KIF1A: variants seen among roughly 807,000 people sequenced by gnomAD.
KIF1A encodes the protein kinesin-like protein KIF1A.
KIF1A carries 46 observed loss-of-function variants against 227.3 expected under a neutral mutation model. That is an observed-to-expected ratio of 0.20 (90% CI 0.16 to 0.26). KIF1A has a LOEUF of 0.26. Ranked by LOEUF, KIF1A falls within the 10% of genes least tolerant of loss-of-function variation. The probability of loss-of-function intolerance (pLI) is 1.00; values close to 1 mark genes in which losing one functional copy is unlikely to be tolerated. For synonymous variants in KIF1A, 1,022 were observed against 1,012.8 expected (o/e 1.01, Z -0.17); for missense variants, 1,683 against 2,485.9 (o/e 0.68, Z 6.87).
chr2:240,769,618 G>A lies in KIF1A; in HGVS notation c.1421+9C>T, dbSNP rs372601809. Reference sequence around the variant, plus strand: ...CCTCCCCCTGGGCCTCAGTTTCCCCGCTGCACACCTCTCCATCCGGATGGC... The same window carrying A: ...CCTCCCCCTGGGCCTCAGTTTCCCCACTGCACACCTCTCCATCCGGATGGC... On this transcript the variant is annotated intron_variant, in intron 16 of 48. Transcript: ENST00000498729. The A allele has an allele frequency of 2.1e-4, 338 of 1,610,984 alleles. 10 individuals carry two copies. The South Asian group carries it at 3.2e-3, about 15-fold the overall frequency.
intron 32 of KIF1A, among the ~76,000 whole-genome samples, chr2:240,744,913 C>A (rs578004036): frequency 3.3e-5 from 5 of 152,332 alleles, no homozygotes; most frequent in Admixed American, 3.3e-4. Flanking sequence ...CTTTCCCCTG[C>A]TGCCCCAGGA....
At position 240,775,243 on chromosome 2, in the gene KIF1A, G is replaced by A. The variant is rs1037805697; in HGVS notation, c.958+608C>T. Among the ~76,000 whole-genome samples, 2 of 152,212 alleles carry A rather than the reference G, an allele frequency of 1.3e-5. No homozygotes were observed. Among genetic ancestry groups the A allele is most frequent in the Non-Finnish European group, 2.9e-5 (2 of 68,030 alleles). On this transcript the variant is annotated intron_variant, in intron 11 of 48. Coordinates refer to ENST00000498729, the MANE Select transcript of KIF1A (RefSeq NM_001244008.2). The surrounding 1 kb of genome is among the most constrained non-coding windows in gnomAD (Gnocchi z 5.5). ...CTCTGCACACCTCAGCCATGCGGCTGAGGGAGGCCAGGGACCCCCAGTCAT... is the reference window on the plus strand; with the variant it reads ...CTCTGCACACCTCAGCCATGCGGCTAAGGGAGGCCAGGGACCCCCAGTCAT...
rs557639021 is a variant in KIF1A at position 240,788,861 on chromosome 2, C to T, written c.183+375G>A. On this transcript the variant is annotated intron_variant, in intron 3 of 48. Transcript: ENST00000498729. This position sits in a 1 kb window ranked among gnomAD's most constrained non-coding sequence, Gnocchi z 6.6. ...AGACAGGGCTCAGTGTGGACTGGAT[C>T]GGGGAGGAGGGAAGGAGAAGAGTCC... is the stretch of plus-strand genomic sequence containing the variant. Among the ~76,000 whole-genome samples, 29 of 152,144 alleles carry T rather than the reference C, an allele frequency of 1.9e-4. No individual in the cohort carries two copies. The highest frequency in any genetic ancestry group is 6.7e-4 in the African/African-American group (28 of 41,502).
At chr2:240,813,841 C>T (rs1043622062) in intron 1 of KIF1A, among the ~76,000 whole-genome samples, 17 of 152,282 alleles carry the variant, frequency 1.1e-4, no homozygotes, top group African/African-American at 3.8e-4. Flanking sequence ...AAAACAGGCC[C>T]TGCGGGAAGG....
upstream of KIF1A, among the ~76,000 whole-genome samples, chr2:240,820,988 A>T (rs1394941031): frequency 6.6e-6 from 1 of 150,558 alleles, no homozygotes; most frequent in Non-Finnish European, 1.5e-5. The surrounding 1 kb of genome is among the most constrained non-coding windows in gnomAD (Gnocchi z 6.2). Context: ...GGCAAACCCC[A>T]GCCTGCGTCA....
Position 240,766,823 on chromosome 2 carries a change from G to T in KIF1A, c.1684+92C>A. 1.3e-6 allele frequency: 1 copy of T among 778,170 alleles called. No individual in the cohort carries two copies. The highest frequency in any genetic ancestry group is 2.1e-6 in the Non-Finnish European group (1 of 471,700). 48.2% of individuals were successfully genotyped at this position (778,170 alleles called of 1,614,324 possible). ...AAGTATGACTCGCGACCCACTTAGT[G>T]CTGGGTAAGCTGGGAGAGGGTGACC... On this transcript the variant is annotated intron_variant, in intron 19 of 48. Coordinates refer to ENST00000498729, the MANE Select transcript of KIF1A (RefSeq NM_001244008.2). This position sits in a 1 kb window ranked among gnomAD's most constrained non-coding sequence, Gnocchi z 5.0.
chr2:240,724,044 G>T lies in KIF1A; in HGVS notation c.4257-8C>A. 1 of 1,612,142 alleles carries T rather than the reference G, an allele frequency of 6.2e-7. No homozygotes were observed. Among genetic ancestry groups the T allele is most frequent in the Middle Eastern group, 1.7e-4 (1 of 6,060 alleles). The stretch of plus-strand genomic sequence containing the variant: ...ACACCAGTCACACGGTTACTGTGGG[G>T]AGTAGAAGGAGTGACATGCAGTCAC... On this transcript the variant is annotated splice_polypyrimidine_tract_variant and splice_region_variant and intron_variant, in intron 40 of 48. Coordinates refer to ENST00000498729, the MANE Select transcript of KIF1A (RefSeq NM_001244008.2).
chr2:240,762,673 C>A, intron 23 of KIF1A, 46 bp downstream of exon 23: 2 of 1,517,240 alleles, frequency 1.3e-6, no homozygotes, highest in Non-Finnish European at 8.9e-7. Context: ...CACCTCCATG[C>A]TGAGACCCTC....
At position 240,781,708 on chromosome 2, in the gene KIF1A, G is replaced by A. The variant is rs576211086; in HGVS notation, c.882+882C>T. The stretch of plus-strand genomic sequence containing the variant: ...CCCGCAGTCCCACGCAGTGTCCTGT[G>A]CCGTTTCCCACACGCTTCCTCTCCC... On this transcript the variant is annotated intron_variant, in intron 10 of 48. Coordinates refer to ENST00000498729, the MANE Select transcript of KIF1A (RefSeq NM_001244008.2). 30 of 956,100 alleles carry A rather than the reference G, an allele frequency of 3.1e-5. No homozygotes were observed. In the South Asian group the frequency reaches 3.9e-4, roughly 12 times the overall value. 59.2% of individuals were successfully genotyped at this position (956,100 alleles called of 1,614,324 possible). A position where few individuals can be genotyped will look rare whatever the true frequency, so the allele number is the denominator to read the frequency against.
At chr2:240,767,412 C>T in intron 17 of KIF1A, 67 bp from the exon 18 acceptor site, 1 of 1,300,484 alleles carries the variant, frequency 7.7e-7, no homozygotes. Flanking sequence ...CCACACCCCC[C>T]TCCAACCTCT....
Position 240,792,506 on chromosome 2 carries a change from A to T in KIF1A, c.107-3194T>A, listed in dbSNP as rs1245521607. ...GGCCTGCAAAGGACTGGACACCGAG[A>T]CGACAGAGACAGCGGGGGGAGGGTT... On this transcript the variant is annotated intron_variant, in intron 2 of 48. Transcript: ENST00000498729. The surrounding 1 kb of genome is among the most constrained non-coding windows in gnomAD (Gnocchi z 4.5). 6.6e-6 allele frequency among the ~76,000 whole-genome samples: 1 copy of T among 151,634 alleles called. No individual in the cohort carries two copies. Among genetic ancestry groups the T allele is most frequent in the African/African-American group, 2.4e-5 (1 of 41,312 alleles).
chr2:240,813,337 G>A (rs1286141216), intron 1 of KIF1A, among the ~76,000 whole-genome samples: 1 of 152,238 alleles, frequency 6.6e-6, no homozygotes, highest in African/African-American at 2.4e-5. Flanking sequence ...GCGTGGGAGA[G>A]GCGTTTCCTG....
rs1443347570 is a variant in KIF1A at position 240,736,944 on chromosome 2, G to A, written c.4007+119C>T. On this transcript the variant is annotated intron_variant, in intron 38 of 48. Coordinates refer to ENST00000498729, the MANE Select transcript of KIF1A (RefSeq NM_001244008.2). The surrounding 1 kb of genome is among the most constrained non-coding windows in gnomAD (Gnocchi z 4.7). ...CAGCTCCTGCAGGTGCCAGGAGGGA[G>A]GGCCGGGAGAGCGTTGAGCGGGTCA... 1.2e-6 allele frequency: 1 copy of A among 803,304 alleles called. No homozygotes were observed. The highest frequency in any genetic ancestry group is 1.6e-5 in the South Asian group (1 of 63,466). The allele number at this position is 803,304 out of a possible 1,614,324, so 49.8% of individuals were successfully genotyped here.
rs758643853 is a variant in KIF1A, at chr2:240,769,754, G to A, written c.1342-48C>T. On this transcript the variant is annotated intron_variant, in intron 15 of 48. Transcript: ENST00000498729. ...GTGAGCTGCCGGGGCTAGGGCCAAGGGAGAGGACAATGGAGACACGGGTGC... is the reference window on the plus strand; with the variant it reads ...GTGAGCTGCCGGGGCTAGGGCCAAGAGAGAGGACAATGGAGACACGGGTGC... 5.9e-6 allele frequency: 9 copies of A among 1,523,576 alleles called. No individual in the cohort carries two copies. The East Asian group carries it at 1.4e-4, about 23-fold the overall frequency. The allele number at this position is 1,523,576 out of a possible 1,614,324, so 94.4% of individuals were successfully genotyped here.
rs2047140745 is a variant in KIF1A at position 240,734,832 on chromosome 2, G to A, written c.4007+2231C>T. On this transcript the variant is annotated intron_variant, in intron 38 of 48. Transcript: ENST00000498729. ...GGGGACAGGCAGAGGGAAGCGGCCT[G>A]TGGCCACAGGCCCACTCTGAGCCAG... The A allele has an allele frequency of 4.0e-6, 4 of 1,010,072 alleles. No homozygotes were observed. The South Asian group carries it at 5.3e-5, about 13-fold the overall frequency. The allele number at this position is 1,010,072 out of a possible 1,614,324, so 62.6% of individuals were successfully genotyped here.
At chr2:240,748,481 G>A (rs1297473338) in intron 28 of KIF1A, among the ~76,000 whole-genome samples, 1 of 152,130 alleles carries the variant, frequency 6.6e-6, no homozygotes, top group Admixed American at 6.5e-5. Context: ...TCAGGGTGGG[G>A]GCCAGTGGGA....
chr2:240,766,889 G>GGGTAGGGAC lies in KIF1A; in HGVS notation c.1684+17_1684+25dup. On this transcript the variant is annotated intron_variant, in intron 19 of 48. Coordinates refer to ENST00000498729, the MANE Select transcript of KIF1A (RefSeq NM_001244008.2). The surrounding 1 kb of genome is among the most constrained non-coding windows in gnomAD (Gnocchi z 5.0). ...CATCACGGCACAGGGGCATGGGTGC[G>GGGTAGGGAC]GGTAGGGACGGTAGGGTGGTGATAC... is the stretch of plus-strand genomic sequence containing the variant. 1 of 1,512,104 alleles carries GGGTAGGGAC rather than the reference G, an allele frequency of 6.6e-7. No homozygotes were observed. Among genetic ancestry groups the GGGTAGGGAC allele is most frequent in the South Asian group, 1.2e-5 (1 of 85,494 alleles). The allele number at this position is 1,512,104 out of a possible 1,614,324, so 93.7% of individuals were successfully genotyped here.
At chr2:240,811,842 C>A (rs1425718742) in intron 1 of KIF1A, among the ~76,000 whole-genome samples, 4 of 152,066 alleles carry the variant, frequency 2.6e-5, no homozygotes, top group African/African-American at 9.7e-5. Context: ...GACATAGAGG[C>A]AACACCACGG....
At chr2:240,783,866 G>GTCCTGGGATGCCCCC in intron 7 of KIF1A, 50 bp from the exon 8 acceptor site, 3 of 1,391,816 alleles carry the variant, frequency 2.2e-6, no homozygotes, top group Non-Finnish European at 3.0e-6. Context: ...GATGCGCGGG[G>GTCCTGGGATGCCCCC]GCATCCCAGG....
Sources: allele counts gnomAD v4.1 joint callset (sites outside exome capture counted in the v4.1 genomes callset), GRCh38; gene constraint gnomAD v4.1.1; non-coding constraint Gnocchi (gnomAD v3.1); transcripts MANE v1.5; gene names NCBI Gene and HGNC (gene_info 2026-07-23, HGNC 2026-07-21).